Variants in MREG observed in about 807,000 individuals in gnomAD.
The protein encoded by MREG is melanoregulin, also known as dilute suppressor protein homolog.
Under a neutral mutation model 28.5 loss-of-function variants are expected in MREG, and 31 were observed. The ratio of observed to expected loss-of-function variants is 1.09; its 90% CI spans 0.82 to 1.47. MREG has a LOEUF of 1.47. Ranked by LOEUF, MREG falls within the 40% of genes most tolerant of loss-of-function variation. The pLI, the probability that MREG is intolerant of heterozygous loss-of-function variation, is 0.00. For synonymous variants in MREG, 106 were observed against 95.2 expected (o/e 1.11, Z -0.66); for missense variants, 256 against 257.4 (o/e 0.99, Z 0.04).
intron 2 of MREG, among the ~76,000 whole-genome samples, chr2:215,969,179 G>A (rs1231250044): frequency 6.6e-6 from 1 of 152,154 alleles, no homozygotes; most frequent in East Asian, 1.9e-4. Flanking sequence ...GATGTCTCGG[G>A]AGCTGCCTAA....
intron 2 of MREG, among the ~76,000 whole-genome samples, chr2:215,953,867 A>G (rs967760590): frequency 6.6e-6 from 1 of 152,216 alleles, no homozygotes; most frequent in Non-Finnish European, 1.5e-5. Flanking sequence ...ATACCACACA[A>G]AATATTAGTT....
chr2:215,956,053 C>T (rs575054654), intron 2 of MREG, among the ~76,000 whole-genome samples: 27 of 152,110 alleles, frequency 1.8e-4, no homozygotes, highest in Middle Eastern at 3.4e-3. Context: ...TAATGTCAAA[C>T]GTATAACAAA....
chr2:216,010,772 C>T (rs1694281887), intron 1 of MREG, among the ~76,000 whole-genome samples: 1 of 151,700 alleles, frequency 6.6e-6, no homozygotes, highest in African/African-American at 2.4e-5. Context: ...AAATTTTGAA[C>T]CAAAAGTCAC....
chr2:215,974,901 A>G (rs1432988536), intron 2 of MREG, among the ~76,000 whole-genome samples: 1 of 145,290 alleles, frequency 6.9e-6, no homozygotes, highest in African/African-American at 2.5e-5. Context: ...CACTTTCTCC[A>G]GCACACCCAC....
intron 2 of MREG, among the ~76,000 whole-genome samples, chr2:215,983,205 G>A (rs1693476206): frequency 6.6e-6 from 1 of 152,186 alleles, no homozygotes; most frequent in Non-Finnish European, 1.5e-5. Context: ...ATCTCCAAAT[G>A]TAGCCAATGT....
rs1693690151 is a variant in MREG at position 215,990,348 on chromosome 2, A to C, written c.255+5958T>G. Reference sequence around the variant, plus strand: ...ACCCTGTACAGACAAGCAAATACTGAGAGATTTTGTCATCACCAGGCCTGC... The same window carrying C: ...ACCCTGTACAGACAAGCAAATACTGCGAGATTTTGTCATCACCAGGCCTGC... On this transcript the variant is annotated intron_variant, in intron 2 of 4. Coordinates refer to ENST00000263268, the MANE Select transcript of MREG (RefSeq NM_018000.3). 2.6e-5 allele frequency among the ~76,000 whole-genome samples: 4 copies of C among 152,334 alleles called. No individual in the cohort carries two copies. The South Asian group carries it at 8.3e-4, about 32-fold the overall frequency.
chr2:215,961,810 C>T (rs953017781), intron 2 of MREG, among the ~76,000 whole-genome samples: 3 of 151,970 alleles, frequency 2.0e-5, no homozygotes, highest in African/African-American at 7.3e-5. Context: ...GTTCACGATC[C>T]CCCTAGGCCT....
chr2:215,952,519 C>A (rs1233776480), intron 2 of MREG, among the ~76,000 whole-genome samples: 1 of 152,102 alleles, frequency 6.6e-6, no homozygotes, highest in Non-Finnish European at 1.5e-5. Flanking sequence ...ATCTGTATTA[C>A]TGAGTTTGTA....
At chr2:216,018,672 C>T (rs1045951072) in intron 1 of MREG, among the ~76,000 whole-genome samples, 2 of 152,236 alleles carry the variant, frequency 1.3e-5, no homozygotes, top group African/African-American at 2.4e-5. Context: ...ACATGCCTCA[C>T]CTCTCCAGAG....
At chr2:215,967,320 T>C (rs1692968944) in intron 2 of MREG, among the ~76,000 whole-genome samples, 1 of 152,146 alleles carries the variant, frequency 6.6e-6, no homozygotes, top group African/African-American at 2.4e-5. Context: ...CCCCAGAATA[T>C]GAAAGGAAAA....
chr2:215,984,215 A>C (rs1474049407), intron 2 of MREG, among the ~76,000 whole-genome samples: 1 of 152,178 alleles, frequency 6.6e-6, no homozygotes, highest in African/African-American at 2.4e-5. Flanking sequence ...CTTATTCACT[A>C]TCAAGAGAAC....
chr2:215,977,402 G>A (rs912970193), intron 2 of MREG, among the ~76,000 whole-genome samples: 5 of 152,174 alleles, frequency 3.3e-5, no homozygotes, highest in Admixed American at 6.5e-5. Flanking sequence ...GACCTACAAA[G>A]AGACTTAGAC....
chr2:215,943,865 C>T lies in MREG; in HGVS notation c.*998G>A, dbSNP rs953447444. 7.8e-6 allele frequency: 1 copy of T among 128,748 alleles called. No individual in the cohort carries two copies. The highest frequency in any genetic ancestry group is 1.6e-5 in the Non-Finnish European group (1 of 63,738). 8.0% of individuals were successfully genotyped at this position (128,748 alleles called of 1,614,324 possible). A position where few individuals can be genotyped will look rare whatever the true frequency, so the allele number is the denominator to read the frequency against. Reference sequence around the variant, plus strand: ...AAAAAAAAAAAAAAAAAAAAAAGAGCGAAAGGCTTTTGGAATAGAAATGGA... The same window carrying T: ...AAAAAAAAAAAAAAAAAAAAAAGAGTGAAAGGCTTTTGGAATAGAAATGGA... On this transcript the variant is annotated 3_prime_UTR_variant, in exon 5 of 5. Coordinates refer to ENST00000263268, the MANE Select transcript of MREG (RefSeq NM_018000.3).
chr2:215,983,783 T>C (rs767302741), intron 2 of MREG, among the ~76,000 whole-genome samples: 29 of 152,218 alleles, frequency 1.9e-4, no homozygotes, highest in Non-Finnish European at 4.1e-4. Context: ...CTGGTGACCA[T>C]GTGGTTCCTG....
chr2:216,024,087 C>T (rs1246497969), intron 1 of MREG, among the ~76,000 whole-genome samples: 1 of 152,108 alleles, frequency 6.6e-6, no homozygotes, highest in African/African-American at 2.4e-5. Flanking sequence ...AAACTGGATG[C>T]CTCTAAGCTC....
chr2:216,002,711 T>C (rs1559194677), intron 1 of MREG, among the ~76,000 whole-genome samples: 1 of 152,306 alleles, frequency 6.6e-6, no homozygotes, highest in East Asian at 1.9e-4. Context: ...CTCCCTGGGA[T>C]GGAGCAGGTG....
chr2:215,985,707 T>A (rs1474110391), intron 2 of MREG, among the ~76,000 whole-genome samples: 1 of 152,198 alleles, frequency 6.6e-6, no homozygotes, highest in East Asian at 1.9e-4. Flanking sequence ...AGATTGTACA[T>A]ACACTGTCTT....
chr2:216,031,687 GAA>G (rs1491345210), intron 1 of MREG, among the ~76,000 whole-genome samples: 2,305 of 48,580 alleles, frequency 0.047, 28 homozygotes, highest in Admixed American at 0.074. Context: ...AAGAAAGAAA[GAA>G]AGAGAAAGAA....
At chr2:216,031,695 A>G (rs199640209) in intron 1 of MREG, among the ~76,000 whole-genome samples, 2,920 of 106,752 alleles carry the variant, frequency 0.027, 50 homozygotes, top group African/African-American at 0.068. Context: ...AAGAAAGAGA[A>G]AGAAAGAAAG....
Sources: gnomAD v4.1 joint callset for allele counts (sites outside exome capture counted in the v4.1 genomes callset) on GRCh38, gnomAD v4.1.1 for gene constraint, MANE v1.5 for transcripts, NCBI Gene and HGNC (gene_info 2026-07-23, HGNC 2026-07-21) for gene names.